The following TBC1D8 variants were observed in gnomAD, a reference collection of about 807,000 sequenced individuals.
TBC1D8 encodes BUB2-like protein 1.
A neutral mutation model predicts 118.8 loss-of-function variants in TBC1D8; 65 were observed. That is an observed-to-expected ratio of 0.55 (90% CI 0.45 to 0.67). The LOEUF is 0.67. TBC1D8 is among the 30% of genes least tolerant of loss of function. TBC1D8 has a pLI of 0.00. For synonymous variants in TBC1D8, 566 were observed against 595.8 expected, an observed-to-expected ratio of 0.95 and a Z score of 0.73; for missense variants, 1,376 against 1,471.2, an observed-to-expected ratio of 0.94 and a Z score of 1.06.
intron 5 of TBC1D8, among the ~76,000 whole-genome samples, chr2:101,046,228 C>T (rs1244792972): frequency 6.6e-6 from 1 of 152,206 alleles, no homozygotes; most frequent in Non-Finnish European, 1.5e-5. Context: ...ACACTGCAGC[C>T]CACGGCCACT....
intron 2 of TBC1D8, among the ~76,000 whole-genome samples, chr2:101,062,781 A>C (rs1325816866): frequency 6.6e-6 from 1 of 152,134 alleles, no homozygotes; most frequent in East Asian, 1.9e-4. Context: ...AGCTGGGACC[A>C]CAGGCGCACA....
intron 1 of TBC1D8, among the ~76,000 whole-genome samples, chr2:101,146,007 G>A (rs1179321381): frequency 2.0e-5 from 3 of 151,882 alleles, no homozygotes; most frequent in African/African-American, 4.8e-5. Context: ...CTTTTCTTCT[G>A]TCAAACCTAC....
intron 1 of TBC1D8, among the ~76,000 whole-genome samples, chr2:101,119,047 G>A (rs1440297072): frequency 6.6e-6 from 1 of 152,088 alleles, no homozygotes; most frequent in Non-Finnish European, 1.5e-5. Flanking sequence ...AAGACTCTCA[G>A]ATTTGATAAA....
chr2:101,076,256 C>T (rs1275423661), intron 2 of TBC1D8, among the ~76,000 whole-genome samples: 3 of 152,100 alleles, frequency 2.0e-5, no homozygotes, highest in East Asian at 3.9e-4. Context: ...AATTAGAAAA[C>T]CACCATTTCA....
intron 1 of TBC1D8, among the ~76,000 whole-genome samples, chr2:101,146,749 T>A (rs185495429): frequency 2.0e-3 from 299 of 152,282 alleles, no homozygotes; most frequent in African/African-American, 6.6e-3. Flanking sequence ...CTCATTCTCA[T>A]AGCTATTCTG....
At chr2:101,105,045 C>T (rs1215182629) in intron 1 of TBC1D8, among the ~76,000 whole-genome samples, 4 of 130,990 alleles carry the variant, frequency 3.1e-5, no homozygotes, top group South Asian at 5.1e-4. Context: ...AAAAAAAAAA[C>T]TTCTACAACA....
At chr2:101,021,854 C>G in intron 16 of TBC1D8, 108 bp from the exon 17 acceptor site, 1 of 711,678 alleles carries the variant, frequency 1.4e-6, no homozygotes, top group South Asian at 1.7e-5. Context: ...ACCTGCCACC[C>G]CCAACTCTCC....
At position 101,151,352 on chromosome 2, in the gene TBC1D8, G is replaced by C; in HGVS notation, c.-99C>G. ...CTCGAGAGGCGACGGCGGCGCGCGG[G>C]GACCACAGCCCGGCCGGTGCCCAGC... On this transcript the variant is annotated 5_prime_UTR_variant, in exon 1 of 20. Transcript: ENST00000409318. The C allele has an allele frequency of 1.9e-6, 2 of 1,058,314 alleles. No homozygotes were observed. Among genetic ancestry groups the C allele is most frequent in the Non-Finnish European group, 2.3e-6 (2 of 862,188 alleles). 65.6% of individuals were successfully genotyped at this position (1,058,314 alleles called of 1,614,324 possible). A position where few individuals can be genotyped will look rare whatever the true frequency, so the allele number is the denominator to read the frequency against.
At chr2:101,100,402 A>T (rs1252669464) in intron 1 of TBC1D8, among the ~76,000 whole-genome samples, 1 of 152,222 alleles carries the variant, frequency 6.6e-6, no homozygotes, top group Non-Finnish European at 1.5e-5. Context: ...CCTCATGGAT[A>T]GGAAGAATCA....
intron 1 of TBC1D8, among the ~76,000 whole-genome samples, chr2:101,149,590 C>CA (rs1165221128): frequency 6.6e-6 from 1 of 152,216 alleles, no homozygotes. Context: ...GCCTTGTCCT[C>CA]ACTCTCTACT....
chr2:101,127,469 C>G (rs570930057), intron 1 of TBC1D8, among the ~76,000 whole-genome samples: 8 of 152,222 alleles, frequency 5.3e-5, no homozygotes, highest in Middle Eastern at 3.4e-3. Context: ...GATGGGTCTA[C>G]CACGTGTAGA....
Position 101,029,795 on chromosome 2 carries a change from A to G in TBC1D8, c.1937-19T>C. The G allele has an allele frequency of 6.2e-7, 1 of 1,609,380 alleles. No homozygotes were observed. The highest frequency in any genetic ancestry group is 8.5e-7 in the Non-Finnish European group (1 of 1,176,546). On this transcript the variant is annotated intron_variant, in intron 11 of 19. Transcript: ENST00000409318. ...TGTGCCCCTGGAAAAGAAAGGGCAC[A>G]GGGCTCTGGCTGGGGTAGGACTCAC...
chr2:101,110,386 C>G (rs1480819350), intron 1 of TBC1D8, among the ~76,000 whole-genome samples: 1 of 152,172 alleles, frequency 6.6e-6, no homozygotes, highest in East Asian at 1.9e-4. Flanking sequence ...TTTTAAGAAA[C>G]AGTAACACCC....
At chr2:101,139,329 A>C (rs11687332) in intron 1 of TBC1D8, among the ~76,000 whole-genome samples, 20,293 of 148,466 alleles carry the variant, frequency 0.14, 1,517 homozygotes, top group East Asian at 0.28. Context: ...AAAACAACAA[A>C]AAAAAAAACA....
intron 17 of TBC1D8, chr2:101,019,704 A>C (rs576200234): frequency 6.6e-6 from 1 of 152,342 alleles, no homozygotes; most frequent in East Asian, 1.9e-4. Flanking sequence ...AAATGCTTCT[A>C]ATAAATCAAT....
chr2:101,038,453 G>C lies in TBC1D8; in HGVS notation c.1275+8C>G. 6.2e-7 allele frequency: 1 copy of C among 1,612,768 alleles called. No individual in the cohort carries two copies. On this transcript the variant is annotated splice_region_variant and intron_variant, in intron 7 of 19. Transcript: ENST00000409318. ...GAAGGGGATCATCAGGGTCTGGAGG[G>C]ACCATACCATGTCATCATCCGCAGA...
At chr2:101,018,541 T>C (rs1361696342) in intron 17 of TBC1D8, among the ~76,000 whole-genome samples, 1 of 152,226 alleles carries the variant, frequency 6.6e-6, no homozygotes, top group Admixed American at 6.5e-5. Context: ...ACACAAAGAC[T>C]GGAGCAGCTT....
chr2:101,094,360 T>C (rs2105461392), intron 1 of TBC1D8, among the ~76,000 whole-genome samples: 1 of 152,234 alleles, frequency 6.6e-6, no homozygotes, highest in South Asian at 2.1e-4. Flanking sequence ...AAGCTGCAGT[T>C]GCAGGGGATT....
chr2:101,038,864 G>A (rs966963687), intron 6 of TBC1D8, among the ~76,000 whole-genome samples: 1 of 146,382 alleles, frequency 6.8e-6, no homozygotes, highest in African/African-American at 2.7e-5. Flanking sequence ...GCAAAGTGTG[G>A]TCTATCCATA....
Sources: gnomAD v4.1 joint callset for allele counts (sites outside exome capture counted in the v4.1 genomes callset) on GRCh38, gnomAD v4.1.1 for gene constraint, MANE v1.5 for transcripts, NCBI Gene and HGNC (gene_info 2026-07-23, HGNC 2026-07-21) for gene names.